The following CHPT1 variants were observed in gnomAD, a reference collection of about 807,000 sequenced individuals.
CHPT1 encodes cholinephosphotransferase 1.
Under a neutral mutation model 47.6 loss-of-function variants are expected in CHPT1, and 36 were observed. The observed-to-expected ratio is 0.76, with a 90% CI of 0.58 to 1.00. The LOEUF is 1.00. Ranked by LOEUF, CHPT1 falls within the 50% of genes least tolerant of loss-of-function variation. The pLI, the probability that CHPT1 is intolerant of heterozygous loss-of-function variation, is 0.00. For synonymous variants in CHPT1, 194 were observed against 186.3 expected (o/e 1.04, Z -0.33); for missense variants, 458 against 498.1 (o/e 0.92, Z 0.77).
intron 4 of CHPT1, chr12:101,719,687 T>C: frequency 3.0e-6 from 1 of 334,960 alleles, no homozygotes; most frequent in South Asian, 2.6e-5. Flanking sequence ...TTTTCATGTT[T>C]AAGTCAGATG....
At chr12:101,715,695 A>T (rs760038783) in intron 3 of CHPT1, among the ~76,000 whole-genome samples, 1 of 152,186 alleles carries the variant, frequency 6.6e-6, no homozygotes, top group Non-Finnish European at 1.5e-5. Context: ...AGTCATTAGC[A>T]TATAGATGGT....
At chr12:101,699,960 G>T (rs563513381) in intron 1 of CHPT1, among the ~76,000 whole-genome samples, 1 of 152,210 alleles carries the variant, frequency 6.6e-6, no homozygotes, top group Non-Finnish European at 1.5e-5. Flanking sequence ...TGACAAGGAT[G>T]CAGTGAGGAC....
intron 3 of CHPT1, 123 bp downstream of exon 3, chr12:101,714,768 G>T: frequency 1.0e-6 from 1 of 975,952 alleles, no homozygotes; most frequent in African/African-American, 1.7e-5. Flanking sequence ...TTAATTCGTC[G>T]GAGTACTCAT....
At chr12:101,728,879 A>G (rs1952053503) in intron 8 of CHPT1, 22 bp from the exon 9 acceptor site, 1 of 1,611,778 alleles carries the variant, frequency 6.2e-7, no homozygotes, top group Non-Finnish European at 8.5e-7. Context: ...AGCTAACGTT[A>G]TAATTGTATC....
At chr12:101,720,581 A>C (rs1312888595) in intron 5 of CHPT1, among the ~76,000 whole-genome samples, 2 of 152,192 alleles carry the variant, frequency 1.3e-5, no homozygotes, top group East Asian at 3.8e-4. Context: ...TGAGTTCCTG[A>C]TTGAAAGCAG....
chr12:101,727,026 C>T (rs1210720707), intron 8 of CHPT1: 1 of 152,056 alleles, frequency 6.6e-6, no homozygotes, highest in Admixed American at 6.6e-5. Context: ...ATTTGTTGTA[C>T]CAGTTCAGAA....
intron 1 of CHPT1, 24 bp from the exon 2 acceptor site, chr12:101,714,062 ATCTT>A (rs1400838204): frequency 1.3e-6 from 2 of 1,521,634 alleles, no homozygotes; most frequent in Non-Finnish European, 1.8e-6. Context: ...TCACTTAACA[ATCTT>A]TATTTTATTT....
intron 1 of CHPT1, among the ~76,000 whole-genome samples, chr12:101,705,217 C>A (rs1386969584): frequency 7.8e-6 from 1 of 127,846 alleles, no homozygotes; most frequent in Non-Finnish European, 1.6e-5. Flanking sequence ...GTGTGCACCA[C>A]CATGCCTGGC....
intron 1 of CHPT1, among the ~76,000 whole-genome samples, chr12:101,706,979 T>C (rs566140465): frequency 6.6e-6 from 1 of 152,356 alleles, no homozygotes; most frequent in South Asian, 2.1e-4. Flanking sequence ...ATACCTGAGG[T>C]ACTAACCATC....
chr12:101,727,930 C>T (rs1026393210), intron 8 of CHPT1: 5 of 152,016 alleles, frequency 3.3e-5, no homozygotes, highest in Non-Finnish European at 7.4e-5. Flanking sequence ...GTGAGTTATA[C>T]AGGCAAAAAT....
intron 4 of CHPT1, chr12:101,717,205 A>T (rs1421527256): frequency 2.3e-6 from 1 of 442,806 alleles, no homozygotes; most frequent in South Asian, 1.6e-5. Context: ...TTAGGAAAGT[A>T]GTTAATTTGC....
chr12:101,728,947 G>A lies in CHPT1; in HGVS notation c.*2G>A. ...AGTCATCAGAATAACATGGATTGAAGAGACTTCCGAACACTTGCTATCTCT... is the reference window on the plus strand; with the variant it reads ...AGTCATCAGAATAACATGGATTGAAAAGACTTCCGAACACTTGCTATCTCT... On this transcript the variant is annotated 3_prime_UTR_variant, in exon 9 of 9. Transcript: ENST00000229266. The A allele has an allele frequency of 1.2e-6, 2 of 1,613,542 alleles. No homozygotes were observed. The highest frequency in any genetic ancestry group is 1.7e-6 in the Non-Finnish European group (2 of 1,179,710).
At chr12:101,702,355 C>T (rs1951565651) in intron 1 of CHPT1, among the ~76,000 whole-genome samples, 1 of 152,078 alleles carries the variant, frequency 6.6e-6, no homozygotes, top group Admixed American at 6.6e-5. Context: ...GGGACAAGTG[C>T]CTAGCTTAAG....
rs749044545 is a variant in CHPT1 at position 101,728,891 on chromosome 12, T to C, written c.1177-10T>C. On this transcript the variant is annotated splice_polypyrimidine_tract_variant and intron_variant, in intron 8 of 8. Transcript: ENST00000229266. ...CTTAGCTAACGTTATAATTGTATCA[T>C]ATTACTTAGGTTCAAGTTCTTTCTT... 1 of 1,613,190 alleles carries C rather than the reference T, an allele frequency of 6.2e-7. No homozygotes were observed. Among genetic ancestry groups the C allele is most frequent in the Non-Finnish European group, 8.5e-7 (1 of 1,179,508 alleles).
chr12:101,703,960 A>C (rs1048610811), intron 1 of CHPT1, among the ~76,000 whole-genome samples: 1 of 152,246 alleles, frequency 6.6e-6, no homozygotes, highest in African/African-American at 2.4e-5. Context: ...TACCTTTAAC[A>C]GCATACTCGC....
intron 1 of CHPT1, among the ~76,000 whole-genome samples, chr12:101,711,021 C>T (rs1951695843): frequency 6.7e-6 from 1 of 148,256 alleles, no homozygotes; most frequent in Non-Finnish European, 1.5e-5. Flanking sequence ...TTGATAAGGG[C>T]CCCAAGAGGA....
intron 7 of CHPT1, among the ~76,000 whole-genome samples, chr12:101,724,886 ATTTT>A (rs1159037524): frequency 6.6e-6 from 1 of 151,932 alleles, no homozygotes; most frequent in Non-Finnish European, 1.5e-5. Flanking sequence ...GCATTATTAC[ATTTT>A]TTTTCTATTG....
chr12:101,710,288 G>T (rs933845985), intron 1 of CHPT1, among the ~76,000 whole-genome samples: 1 of 149,122 alleles, frequency 6.7e-6, no homozygotes, highest in Admixed American at 6.8e-5. Flanking sequence ...GGATGTTGCA[G>T]TGAGCCAAGA....
chr12:101,723,051 T>C (rs894033697), intron 5 of CHPT1, 117 bp from the exon 6 acceptor site: 2 of 887,464 alleles, frequency 2.3e-6, no homozygotes, highest in Non-Finnish European at 3.6e-6. Context: ...CTGTAGGCCA[T>C]ACACTACATC....
Sources: allele counts gnomAD v4.1 joint callset (sites outside exome capture counted in the v4.1 genomes callset), GRCh38; gene constraint gnomAD v4.1.1; transcripts MANE v1.5; gene names NCBI Gene and HGNC (gene_info 2026-07-23, HGNC 2026-07-21).